Variants in NFAM1 observed in about 807,000 individuals in gnomAD.
NFAM1 encodes NFAT activation molecule 1.
NFAM1 carries 17 observed loss-of-function variants against 29.0 expected under a neutral mutation model. The ratio of observed to expected loss-of-function variants is 0.59; its 90% CI spans 0.40 to 0.88. The LOEUF (loss-of-function observed/expected upper bound fraction) is 0.88, where lower values mean the gene tolerates loss of function less well. Ranked by LOEUF, NFAM1 falls within the 40% of genes least tolerant of loss-of-function variation. The pLI is 0.00. For synonymous variants in NFAM1, 175 were observed against 147.2 expected (o/e 1.19, Z -1.36); for missense variants, 324 against 344.6 (o/e 0.94, Z 0.47).
rs374366207 is a variant in NFAM1 at position 42,406,171 on chromosome 22, C to T, written c.564+3264G>A. On this transcript the variant is annotated intron_variant, in intron 3 of 5. Coordinates refer to ENST00000329021, the MANE Select transcript of NFAM1 (RefSeq NM_145912.8). ...GGCAGGCGCAGATCCAAATACCCCCCGGCTCGCGCCTCACCCCCCGAGGGA... is the reference window on the plus strand; with the variant it reads ...GGCAGGCGCAGATCCAAATACCCCCTGGCTCGCGCCTCACCCCCCGAGGGA... 7.9e-4 allele frequency among the ~76,000 whole-genome samples: 99 copies of T among 125,944 alleles called. 2 individuals are homozygous for T. Among genetic ancestry groups the T allele is most frequent in the African/African-American group, 2.6e-3 (93 of 36,030 alleles). The allele number at this position is 125,944 out of a possible 152,430, so 82.6% of individuals were successfully genotyped here. A position where few individuals can be genotyped will look rare whatever the true frequency, so the allele number is the denominator to read the frequency against.
chr22:42,396,913 T>C (rs1929545184), intron 4 of NFAM1, among the ~76,000 whole-genome samples: 1 of 130,352 alleles, frequency 7.7e-6, no homozygotes, highest in Non-Finnish European at 1.7e-5. Flanking sequence ...CCAAGCACCA[T>C]CGCAGCCAGG....
chr22:42,386,008 T>A (rs1314258977), intron 5 of NFAM1, among the ~76,000 whole-genome samples: 1 of 152,158 alleles, frequency 6.6e-6, no homozygotes, highest in Non-Finnish European at 1.5e-5. Flanking sequence ...TGGAACACAT[T>A]TGAATTCAGA....
chr22:42,408,622 T>C (rs1929976790), intron 3 of NFAM1, among the ~76,000 whole-genome samples: 2 of 152,244 alleles, frequency 1.3e-5, no homozygotes, highest in Admixed American at 6.5e-5. Context: ...CACCATGTGC[T>C]GGGCAAGGAG....
intron 4 of NFAM1, among the ~76,000 whole-genome samples, chr22:42,394,160 C>G (rs1929441265): frequency 6.6e-6 from 1 of 151,990 alleles, no homozygotes; most frequent in African/African-American, 2.4e-5. Flanking sequence ...CTCAGCCTCC[C>G]GAGTAGCTGG....
chr22:42,402,450 GCA>G (rs1227841925), intron 3 of NFAM1, among the ~76,000 whole-genome samples: 2 of 152,192 alleles, frequency 1.3e-5, no homozygotes, highest in Admixed American at 1.3e-4. Context: ...TGCTGCAGGA[GCA>G]CACACAGAGC....
intron 1 of NFAM1, among the ~76,000 whole-genome samples, chr22:42,426,688 A>C (rs1008513523): frequency 1.3e-5 from 2 of 152,172 alleles, no homozygotes; most frequent in African/African-American, 4.8e-5. Context: ...TGGGGAGGCC[A>C]TGGTGAGCCC....
chr22:42,407,677 C>A (rs1929945115), intron 3 of NFAM1, among the ~76,000 whole-genome samples: 1 of 152,132 alleles, frequency 6.6e-6, no homozygotes, highest in East Asian at 1.9e-4. Context: ...CAGCTTTGAC[C>A]TCCTGGGCTC....
chr22:42,389,287 G>A (rs528533921), intron 4 of NFAM1, among the ~76,000 whole-genome samples: 95 of 152,284 alleles, frequency 6.2e-4, no homozygotes, highest in African/African-American at 2.3e-3. Context: ...ATACAGTGGG[G>A]GAGTCGGGGA....
At chr22:42,393,367 T>C (rs1929408691) in intron 4 of NFAM1, among the ~76,000 whole-genome samples, 1 of 151,946 alleles carries the variant, frequency 6.6e-6, no homozygotes. Context: ...CTGGGCCACA[T>C]AGTGAGAACT....
intron 5 of NFAM1, among the ~76,000 whole-genome samples, chr22:42,386,023 G>A (rs1448019323): frequency 6.6e-6 from 1 of 152,202 alleles, no homozygotes; most frequent in Non-Finnish European, 1.5e-5. Flanking sequence ...TTCAGAGGCA[G>A]TTGGTATTGC....
At chr22:42,394,840 G>A (rs1016984385) in intron 4 of NFAM1, among the ~76,000 whole-genome samples, 3 of 152,142 alleles carry the variant, frequency 2.0e-5, no homozygotes, top group Non-Finnish European at 4.4e-5. Flanking sequence ...GGATTGGGCC[G>A]GGTGCGGTGG....
rs35045065 is a variant in NFAM1 at position 42,402,831 on chromosome 22, C to CTTTT, written c.565-4879_565-4876dup. ...ACCCACACCGGTCCCTCTGTGCCTT[C>CTTTT]TTTTTTTTTTTTTTTTTTTTTTGAG... On this transcript the variant is annotated intron_variant, in intron 3 of 5. Coordinates refer to ENST00000329021, the MANE Select transcript of NFAM1 (RefSeq NM_145912.8). Among the ~76,000 whole-genome samples the CTTTT allele has an allele frequency of 3.0e-3, 288 of 97,042 alleles. 2 individuals are homozygous for CTTTT. Among genetic ancestry groups the CTTTT allele is most frequent in the African/African-American group, 7.3e-3 (157 of 21,382 alleles). The allele number at this position is 97,042 out of a possible 152,430, so 63.7% of individuals were successfully genotyped here.
At chr22:42,412,855 G>T (rs1056456157) in intron 1 of NFAM1, among the ~76,000 whole-genome samples, 2 of 152,198 alleles carry the variant, frequency 1.3e-5, no homozygotes, top group Non-Finnish European at 2.9e-5. Flanking sequence ...GGCCATTTCG[G>T]CTGTGATCAT....
chr22:42,408,425 A>G (rs1280748126), intron 3 of NFAM1, among the ~76,000 whole-genome samples: 3 of 152,084 alleles, frequency 2.0e-5, no homozygotes, highest in Non-Finnish European at 4.4e-5. Flanking sequence ...CCTCACACCC[A>G]GGGCTGTTGC....
At chr22:42,404,459 G>A (rs557762245) in intron 3 of NFAM1, among the ~76,000 whole-genome samples, 277 of 152,148 alleles carry the variant, frequency 1.8e-3, no homozygotes, top group African/African-American at 6.5e-3. Context: ...GGGCTCCCAG[G>A]GCTGCTTTAG....
chr22:42,423,149 A>G (rs9611791), intron 1 of NFAM1, among the ~76,000 whole-genome samples: 96,877 of 145,730 alleles, frequency 0.66, 33,397 homozygotes, highest in African/African-American at 0.84. Flanking sequence ...TGAGGGGAAC[A>G]GACCCCCCAG....
At chr22:42,404,000 G>A (rs749286545) in intron 3 of NFAM1, among the ~76,000 whole-genome samples, 4 of 152,134 alleles carry the variant, frequency 2.6e-5, no homozygotes, top group Admixed American at 6.5e-5. Context: ...AAGGGCCTGC[G>A]GGCAGGGCTG....
chr22:42,418,098 C>T (rs1930320849), intron 1 of NFAM1, among the ~76,000 whole-genome samples: 1 of 152,208 alleles, frequency 6.6e-6, no homozygotes, highest in Admixed American at 6.5e-5. Flanking sequence ...GTGAGGAAGC[C>T]TTGGGCCTGG....
chr22:42,410,171 T>C (rs1000606543), intron 2 of NFAM1: 3 of 173,378 alleles, frequency 1.7e-5, no homozygotes, highest in East Asian at 3.8e-4. Context: ...TCCAAGTCCT[T>C]GGAAGGCAGA....
Sources: allele counts gnomAD v4.1 joint callset (sites outside exome capture counted in the v4.1 genomes callset), GRCh38; gene constraint gnomAD v4.1.1; transcripts MANE v1.5; gene names NCBI Gene and HGNC (gene_info 2026-07-23, HGNC 2026-07-21).